Variants in INPP5D observed in about 807,000 individuals in gnomAD.
INPP5D encodes phosphatidylinositol 3,4,5-trisphosphate 5-phosphatase 1.
In INPP5D, 33 loss-of-function variants were observed where a neutral mutation model predicts 122.9. That is an observed-to-expected ratio of 0.27 (90% CI 0.20 to 0.36). The LOEUF (loss-of-function observed/expected upper bound fraction) is 0.36. INPP5D is among the 10% of genes least tolerant of loss of function. The probability of loss-of-function intolerance (pLI) is 1.00; values close to 1 mark genes in which losing one functional copy is unlikely to be tolerated. For synonymous variants in INPP5D, 584 were observed against 576.2 expected (o/e 1.01, Z -0.19); for missense variants, 1,053 against 1,412.7 (o/e 0.75, Z 4.08).
intron 1 of INPP5D, among the ~76,000 whole-genome samples, chr2:233,077,994 G>A (rs1403133129): frequency 1.3e-5 from 2 of 152,224 alleles, no homozygotes; most frequent in African/African-American, 4.8e-5. Flanking sequence ...ACAGAGGCTG[G>A]TCCTGTCTAC....
chr2:233,075,251 G>C (rs1691489162), intron 1 of INPP5D, among the ~76,000 whole-genome samples: 1 of 152,170 alleles, frequency 6.6e-6, no homozygotes, highest in Admixed American at 6.5e-5. Context: ...TCCTAACCCA[G>C]ATCTCCAATG....
chr2:233,088,663 T>C (rs373640518), intron 2 of INPP5D, among the ~76,000 whole-genome samples: 2 of 152,318 alleles, frequency 1.3e-5, no homozygotes, highest in East Asian at 1.9e-4. Flanking sequence ...CGTGACTCCA[T>C]GGATGACTGT....
At chr2:233,126,836 C>T (rs987413338) in intron 4 of INPP5D, among the ~76,000 whole-genome samples, 2 of 151,952 alleles carry the variant, frequency 1.3e-5, no homozygotes, top group African/African-American at 2.4e-5. Context: ...AGGAGAATAG[C>T]TTGAACCTGG....
chr2:233,193,909 G>C lies in INPP5D; in HGVS notation c.2544G>C (p.Gln848His). 2 of 1,613,754 alleles carry C rather than the reference G, an allele frequency of 1.2e-6. No individual in the cohort carries two copies. Among genetic ancestry groups the C allele is most frequent in the Non-Finnish European group, 8.5e-7 (1 of 1,179,722 alleles). The change falls in exon 23 of 27, where the codon CAG becomes CAC. Residue 848 changes from glutamine to histidine, a missense_variant. Gln to His is a conservative substitution (Grantham distance 24, BLOSUM62 0). This residue lies in a region of INPP5D where 258 missense variants were observed against 439.1 expected (regional missense o/e 0.59). Coordinates refer to ENST00000445964, the MANE Select transcript of INPP5D (RefSeq NM_001017915.3). Reference sequence around the variant, plus strand: ...ATGGGGAGTTGACAGGCCACTTCCAGGGGGAGATCAAGCTGCAGACCTCTC... The same window carrying C: ...ATGGGGAGTTGACAGGCCACTTCCACGGGGAGATCAAGCTGCAGACCTCTC... The part of the protein sequence containing the change: ...THHGELTGHF[Q>H]GEIKLQTSQG...
rs1459773007 is a variant in INPP5D at position 233,082,115 on chromosome 2, G to A, written c.198+2717G>A. On this transcript the variant is annotated intron_variant, in intron 2 of 26. Transcript: ENST00000445964. This position sits in a 1 kb window ranked among gnomAD's most constrained non-coding sequence, Gnocchi z 4.7. ...CCCCGGCACTAGATCTGTGACCTCC[G>A]CAGTAGCTGACATGGTACAGGGAGC... Among the ~76,000 whole-genome samples the A allele has an allele frequency of 2.0e-5, 3 of 152,112 alleles. No homozygotes were observed. Among genetic ancestry groups the A allele is most frequent in the Non-Finnish European group, 2.9e-5 (2 of 68,026 alleles).
rs1249374924 is a variant in INPP5D, at chr2:233,105,817, T to G, written c.199-16290T>G. On this transcript the variant is annotated intron_variant, in intron 2 of 26. Coordinates refer to ENST00000445964, the MANE Select transcript of INPP5D (RefSeq NM_001017915.3). This position sits in a 1 kb window ranked among gnomAD's most constrained non-coding sequence, Gnocchi z 4.0. ...TGGAGGGTGCCAGGGAGAGAGTGGC[T>G]CTGGGGGGCCACAGTGGGGTTCTGG... Among the ~76,000 whole-genome samples the G allele has an allele frequency of 6.6e-6, 1 of 151,932 alleles. No individual in the cohort carries two copies. The highest frequency in any genetic ancestry group is 2.4e-5 in the African/African-American group (1 of 41,364).
chr2:233,169,985 C>G (rs767274847), intron 14 of INPP5D, 41 bp from the exon 15 acceptor site: 1 of 1,612,808 alleles, frequency 6.2e-7, no homozygotes, highest in African/African-American at 1.3e-5. Flanking sequence ...GAGGGGGAAC[C>G]AGTGACCCCG....
chr2:233,189,088 A>C lies in INPP5D; in HGVS notation c.2359-762A>C, dbSNP rs1261609413. 6.6e-6 allele frequency among the ~76,000 whole-genome samples: 1 copy of C among 152,142 alleles called. No individual in the cohort carries two copies. The highest frequency in any genetic ancestry group is 1.5e-5 in the Non-Finnish European group (1 of 68,010). ...CAGACGAGGAGCTAGTGTGCGTGTG[A>C]TGCTCCTCCCTGCACTTGCCCGGAC... On this transcript the variant is annotated intron_variant, in intron 21 of 26. Coordinates refer to ENST00000445964, the MANE Select transcript of INPP5D (RefSeq NM_001017915.3). This position sits in a 1 kb window ranked among gnomAD's most constrained non-coding sequence, Gnocchi z 5.6.
In INPP5D at chr2:233,060,631, C is replaced by T. The variant is rs374600515; in HGVS notation, c.134+19C>T. ...GCGTGCTGTGAGTACAACCTGCTCC[C>T]TCCCCGGGCACAGATATGACAGAGG... On this transcript the variant is annotated intron_variant, in intron 1 of 26. Coordinates refer to ENST00000445964, the MANE Select transcript of INPP5D (RefSeq NM_001017915.3). 2.6e-4 allele frequency: 419 copies of T among 1,613,154 alleles called. 2 individuals carry two copies. In the African/African-American group the frequency reaches 5.0e-3, roughly 19 times the overall value.
intron 2 of INPP5D, among the ~76,000 whole-genome samples, chr2:233,087,739 T>C (rs1448402369): frequency 6.6e-6 from 1 of 152,238 alleles, no homozygotes; most frequent in Non-Finnish European, 1.5e-5. Flanking sequence ...TTAACTCTTC[T>C]GCCACCATTA....
At position 233,170,982 on chromosome 2, in the gene INPP5D, T is replaced by C; in HGVS notation, c.1901-82T>C. On this transcript the variant is annotated intron_variant, in intron 16 of 26. Coordinates refer to ENST00000445964, the MANE Select transcript of INPP5D (RefSeq NM_001017915.3). The surrounding 1 kb of genome is among the most constrained non-coding windows in gnomAD (Gnocchi z 4.5). The stretch of plus-strand genomic sequence containing the variant: ...CATCCTTTCGTCCCCTTTCCCCTGA[T>C]TTCCTACCAGAAGAATAGGGAAAAT... 1 of 1,564,904 alleles carries C rather than the reference T, an allele frequency of 6.4e-7. No homozygotes were observed. The highest frequency in any genetic ancestry group is 8.7e-7 in the Non-Finnish European group (1 of 1,153,112).
In INPP5D at chr2:233,118,399, C is replaced by T. The variant is rs557033073; in HGVS notation, c.199-3708C>T. On this transcript the variant is annotated intron_variant, in intron 2 of 26. Coordinates refer to ENST00000445964, the MANE Select transcript of INPP5D (RefSeq NM_001017915.3). Reference sequence around the variant, plus strand: ...TCACCACCCACCCGTCTAGACCACGCTCCCCACCCCTCCGCTGTCTGGGCC... The same window carrying T: ...TCACCACCCACCCGTCTAGACCACGTTCCCCACCCCTCCGCTGTCTGGGCC... 2.3e-4 allele frequency among the ~76,000 whole-genome samples: 35 copies of T among 152,328 alleles called. 1 individual carries two copies. In the South Asian group the frequency reaches 6.0e-3, roughly 26 times the overall value.
At chr2:233,138,303 T>TA (rs749510803) in intron 5 of INPP5D, among the ~76,000 whole-genome samples, 2,107 of 103,436 alleles carry the variant, frequency 0.02, 34 homozygotes, top group South Asian at 0.032. Flanking sequence ...TAAGATTGTC[T>TA]AAAAAAAAAA....
At position 233,137,604 on chromosome 2, in the gene INPP5D, C is replaced by T. The variant is rs547354458; in HGVS notation, c.666-2238C>T. 3.7e-3 allele frequency among the ~76,000 whole-genome samples: 552 copies of T among 150,408 alleles called. 4 individuals carry two copies. The highest frequency in any genetic ancestry group is 0.013 in the African/African-American group (520 of 40,956). On this transcript the variant is annotated intron_variant, in intron 5 of 26. Coordinates refer to ENST00000445964, the MANE Select transcript of INPP5D (RefSeq NM_001017915.3). ...CTGAGTTGCTGGCATTACAGGTGCCCACCACTATGCCCGGCTAATTTTTGT... is the reference window on the plus strand; with the variant it reads ...CTGAGTTGCTGGCATTACAGGTGCCTACCACTATGCCCGGCTAATTTTTGT...
At chr2:233,072,861 G>A (rs934808825) in intron 1 of INPP5D, among the ~76,000 whole-genome samples, 2 of 152,202 alleles carry the variant, frequency 1.3e-5, no homozygotes, top group African/African-American at 4.8e-5. Context: ...GAAATAGATG[G>A]CATGTTCAAC....
At chr2:233,134,236 A>ACCAG (rs1417507917) in intron 5 of INPP5D, 2 of 333,508 alleles carry the variant, frequency 6.0e-6, no homozygotes, top group African/African-American at 4.3e-5. Flanking sequence ...GAGTGGAGTC[A>ACCAG]CCAGCCATGG....
intron 1 of INPP5D, among the ~76,000 whole-genome samples, chr2:233,060,840 C>T (rs1342873752): frequency 6.6e-6 from 1 of 152,222 alleles, no homozygotes; most frequent in Non-Finnish European, 1.5e-5. Context: ...TGTTACACCC[C>T]AGCTTCCCAT....
At chr2:233,068,285 C>CA (rs60089777) in intron 1 of INPP5D, among the ~76,000 whole-genome samples, 9,119 of 127,080 alleles carry the variant, frequency 0.072, 606 homozygotes, top group East Asian at 0.26. Flanking sequence ...AACTCTGTCT[C>CA]AAAAAAAAAA....
rs1196278786 is a variant in INPP5D, at chr2:233,198,308, C to T, written c.2907C>T (p.Pro969=). Residue 969 remains proline, a synonymous_variant, in exon 25 of 27, where the codon CCC becomes CCT. Coordinates refer to ENST00000445964, the MANE Select transcript of INPP5D (RefSeq NM_001017915.3). Reference sequence around the variant, plus strand: ...CTCCGACACCTCCCGGCCAGCCGCCCATATCACCCAAGAAGTTTTTACCCT... The same window carrying T: ...CTCCGACACCTCCCGGCCAGCCGCCTATATCACCCAAGAAGTTTTTACCCT... ...ESPPTPPGQP[P]ISPKKFLPST... is the part of the protein sequence containing the mutation. The T allele has an allele frequency of 6.2e-7, 1 of 1,613,700 alleles. No individual in the cohort carries two copies. The highest frequency in any genetic ancestry group is 2.2e-5 in the East Asian group (1 of 44,884).
Sources: allele counts gnomAD v4.1 joint callset (sites outside exome capture counted in the v4.1 genomes callset), GRCh38; gene constraint gnomAD v4.1.1; regional missense constraint gnomAD v4.1.1; non-coding constraint Gnocchi (gnomAD v3.1); transcripts MANE v1.5; gene names NCBI Gene and HGNC (gene_info 2026-07-23, HGNC 2026-07-21).